Variants in PCDHA8 observed in about 807,000 individuals in gnomAD.
The protein encoded by PCDHA8 is protocadherin alpha 8.
PCDHA8 carries 53 observed loss-of-function variants against 61.8 expected under a neutral mutation model. The ratio of observed to expected loss-of-function variants is 0.86; its 90% confidence interval spans 0.69 to 1.08. The LOEUF is 1.08. Among genes scored for constraint, PCDHA8 ranks in the 50% least tolerant of loss-of-function variants. PCDHA8 has a pLI of 0.00. For synonymous variants in PCDHA8, 618 were observed against 556.6 expected, an observed-to-expected ratio of 1.11 and a Z score of -1.55; for missense variants, 1,293 against 1,245.0, an observed-to-expected ratio of 1.04 and a Z score of -0.58.
intron 1 of PCDHA8, among the ~76,000 whole-genome samples, chr5:140,888,210 T>C (rs1395913579): frequency 6.6e-6 from 1 of 152,082 alleles, no homozygotes; most frequent in East Asian, 1.9e-4. Flanking sequence ...ATGCTGGATT[T>C]TGTGTGTGTG....
chr5:140,937,317 G>C (rs1282380622), intron 1 of PCDHA8, among the ~76,000 whole-genome samples: 1 of 152,048 alleles, frequency 6.6e-6, no homozygotes, highest in Non-Finnish European at 1.5e-5. Context: ...GATTACAGGC[G>C]TGAGCCACCG....
intron 1 of PCDHA8, among the ~76,000 whole-genome samples, chr5:140,898,095 T>C (rs1196262591): frequency 7.9e-5 from 12 of 152,170 alleles, no homozygotes; most frequent in Non-Finnish European, 1.6e-4. Flanking sequence ...ATTAGCCCTT[T>C]GTCAGATGAG....
At chr5:140,908,429 G>A (rs575934093) in intron 1 of PCDHA8, among the ~76,000 whole-genome samples, 1 of 152,280 alleles carries the variant, frequency 6.6e-6, no homozygotes, top group African/African-American at 2.4e-5. Flanking sequence ...ATGCTGCTGT[G>A]CGCACCCCAC....
chr5:140,850,004 G>C lies in PCDHA8; in HGVS notation c.2394+6289G>C. On this transcript the variant is annotated intron_variant, in intron 1 of 3. Transcript: ENST00000531613. Reference sequence around the variant, plus strand: ...TGGAGCGGCGGTTGGGCGAGCGCTCGCTGTCGAGCTACGTGTCAGTGCACG... The same window carrying C: ...TGGAGCGGCGGTTGGGCGAGCGCTCCCTGTCGAGCTACGTGTCAGTGCACG... 3 of 1,596,990 alleles carry C rather than the reference G, an allele frequency of 1.9e-6. 1 individual carries two copies. Among genetic ancestry groups the C allele is most frequent in the Non-Finnish European group, 2.6e-6 (3 of 1,167,858 alleles).
Position 140,842,564 on chromosome 5 carries a change from C to G in PCDHA8, c.1243C>G (p.Arg415Gly), listed in dbSNP as rs2150339268. 40 of 1,500,320 alleles carry G rather than the reference C, an allele frequency of 2.7e-5. 2 individuals carry two copies. In the East Asian group the frequency reaches 6.6e-4, roughly 25 times the overall value. The allele number at this position is 1,500,320 out of a possible 1,614,324, so 92.9% of individuals were successfully genotyped here. A position where few individuals can be genotyped will look rare whatever the true frequency, so the allele number is the denominator to read the frequency against. Residue 415 changes from arginine to glycine, a missense_variant, in exon 1 of 4, where the codon CGC (arginine) becomes GGC (glycine). By Grantham distance (125) the Arg-to-Gly change is moderately radical. Transcript: ENST00000531613. ...YSLVLDSALD[R>G]ERVSAYELVV... is the part of the protein sequence containing the mutation. ...GTTGGTGCTGGACAGCGCCCTGGAC[C>G]GCGAGAGAGTGTCGGCCTATGAGTT...
At chr5:140,913,657 G>A (rs1554196018) in intron 1 of PCDHA8, among the ~76,000 whole-genome samples, 1 of 152,170 alleles carries the variant, frequency 6.6e-6, no homozygotes, top group Non-Finnish European at 1.5e-5. Context: ...TCTTTAAGAT[G>A]TATAGTTAGG....
intron 1 of PCDHA8, among the ~76,000 whole-genome samples, chr5:140,955,135 G>A (rs114298661): frequency 0.017 from 2,539 of 152,204 alleles, 31 homozygotes; most frequent in Middle Eastern, 0.034. Flanking sequence ...TGGTCTACAC[G>A]TCTGTTTTTG....
chr5:140,841,844 CATG>C lies in PCDHA8; in HGVS notation c.526_528del (p.Asp176del), dbSNP rs2150323969. 1 of 1,613,842 alleles carries C rather than the reference CATG, an allele frequency of 6.2e-7. No homozygotes were observed. Among genetic ancestry groups the C allele is most frequent in the Non-Finnish European group, 8.5e-7 (1 of 1,179,828 alleles). On this transcript the variant is annotated inframe_deletion, in exon 1 of 4. Transcript: ENST00000531613. ...CGTGTTAACCTACAGGCTTAGCTCT[CATG>C]ATTACTTCATGCTAGATGTGAATTC... is the stretch of plus-strand genomic sequence containing the variant.
intron 1 of PCDHA8, among the ~76,000 whole-genome samples, chr5:140,950,920 T>TTTCTGCTACTTTTAACTG (rs1554219690): frequency 2.6e-5 from 4 of 152,202 alleles, no homozygotes; most frequent in African/African-American, 9.6e-5. Context: ...TTATTTCAGT[T>TTTCTGCTACTTTTAACTG]CTTTTTCTTT....
At chr5:140,869,740 A>G in intron 1 of PCDHA8, 1 of 1,613,346 alleles carries the variant, frequency 6.2e-7, no homozygotes, top group Non-Finnish European at 8.5e-7. Flanking sequence ...TTTGCTGCTA[A>G]CAGCTACAGA....
intron 1 of PCDHA8, among the ~76,000 whole-genome samples, chr5:140,880,233 T>A (rs1040125802): frequency 6.6e-6 from 1 of 152,046 alleles, no homozygotes; most frequent in African/African-American, 2.4e-5. Flanking sequence ...TTTAAATTAG[T>A]GTATGTGCGT....
At chr5:140,926,183 C>A (rs1287609954) in intron 1 of PCDHA8, among the ~76,000 whole-genome samples, 2 of 151,712 alleles carry the variant, frequency 1.3e-5, no homozygotes, top group African/African-American at 4.8e-5. Context: ...GGAAAGCCCC[C>A]CGCAGCACTT....
chr5:140,857,748 C>A (rs782353510), intron 1 of PCDHA8: 1 of 1,597,386 alleles, frequency 6.3e-7, no homozygotes, highest in African/African-American at 1.3e-5. Flanking sequence ...CTGCTGGCGT[C>A]TCCCGCTGGC....
rs782339436 is a variant in PCDHA8, at chr5:140,928,591, G to A, written c.2395-50358G>A. The A allele has an allele frequency of 3.1e-6, 5 of 1,614,230 alleles. No individual in the cohort carries two copies. The South Asian group carries it at 5.5e-5, about 18-fold the overall frequency. ...CTTGCCCAGAAATGGTTCTGTCCCA[G>A]TGGAAATTGTGCCCCGCTCTGCCAG... On this transcript the variant is annotated intron_variant, in intron 1 of 3. Coordinates refer to ENST00000531613, the MANE Select transcript of PCDHA8 (RefSeq NM_018911.3).
At chr5:140,856,485 T>C (rs1554148765) in intron 1 of PCDHA8, 1 of 1,598,290 alleles carries the variant, frequency 6.3e-7, no homozygotes, top group East Asian at 2.2e-5. Context: ...GAATCCAGAC[T>C]GCTTGACTCT....
rs2150469499 is a variant in PCDHA8 at position 140,850,144 on chromosome 5, C to T, written c.2394+6429C>T. 59 of 1,595,512 alleles carry T rather than the reference C, an allele frequency of 3.7e-5. 6 individuals carry two copies. Among genetic ancestry groups the T allele is most frequent in the Non-Finnish European group, 4.5e-5 (53 of 1,167,848 alleles). On this transcript the variant is annotated intron_variant, in intron 1 of 3. Coordinates refer to ENST00000531613, the MANE Select transcript of PCDHA8 (RefSeq NM_018911.3). ...GTGCCGCCTCTGGGCAGCAACGTGA[C>T]GCTGCAGGTGTTCGTGCTGGACGAG... is the stretch of plus-strand genomic sequence containing the variant.
chr5:140,983,766 T>C (rs1554245666), intron 3 of PCDHA8, among the ~76,000 whole-genome samples: 2 of 152,206 alleles, frequency 1.3e-5, no homozygotes, highest in African/African-American at 4.8e-5. Flanking sequence ...TTCAAATACA[T>C]ATCTACATAC....
chr5:140,856,308 C>G, intron 1 of PCDHA8: 1 of 1,598,620 alleles, frequency 6.3e-7, no homozygotes, highest in Non-Finnish European at 8.6e-7. Context: ...TTTGTGAATT[C>G]TCGGATTGAC....
intron 1 of PCDHA8, among the ~76,000 whole-genome samples, chr5:140,890,937 A>G (rs2153432428): frequency 6.6e-6 from 1 of 152,254 alleles, no homozygotes; most frequent in South Asian, 2.1e-4. Flanking sequence ...TAGTCCAAAG[A>G]TGCTGGTGAG....
Sources: gnomAD v4.1 joint callset for allele counts (sites outside exome capture counted in the v4.1 genomes callset) on GRCh38, gnomAD v4.1.1 for gene constraint, MANE v1.5 for transcripts, NCBI Gene and HGNC (gene_info 2026-07-23, HGNC 2026-07-21) for gene names.